Variants in LTV1 observed in about 807,000 individuals in gnomAD.
LTV1 encodes the protein LTV1 ribosome biogenesis factor.
A neutral mutation model predicts 59.9 loss-of-function variants in LTV1; 39 were observed. The observed-to-expected ratio is 0.65, with a 90% CI of 0.50 to 0.85. The LOEUF is 0.85. LTV1 is among the 40% of genes least tolerant of loss of function. LTV1 has a pLI of 0.00. For missense variants in LTV1, 493 were observed against 549.1 expected (o/e 0.90, Z 1.02); for synonymous variants, 171 against 189.5 (o/e 0.90, Z 0.80).
chr6:143,852,270 C>T (rs1776996479), intron 4 of LTV1, among the ~76,000 whole-genome samples: 1 of 152,232 alleles, frequency 6.6e-6, no homozygotes, highest in South Asian at 2.1e-4. Flanking sequence ...GCCATTCTAA[C>T]TGGCGTGAGA....
At chr6:143,847,093 A>G (rs969204203) in intron 3 of LTV1, among the ~76,000 whole-genome samples, 8 of 152,208 alleles carry the variant, frequency 5.3e-5, no homozygotes, top group African/African-American at 1.9e-4. Flanking sequence ...AAGAAAGGTA[A>G]TAACTGCAGC....
intron 3 of LTV1, among the ~76,000 whole-genome samples, chr6:143,847,972 G>T (rs1331995176): frequency 6.6e-6 from 1 of 152,174 alleles, no homozygotes; most frequent in Non-Finnish European, 1.5e-5. Context: ...GCTTGAGCAG[G>T]CCCTGATTTT....
intron 6 of LTV1, among the ~76,000 whole-genome samples, chr6:143,859,552 A>C (rs942048389): frequency 1.3e-5 from 2 of 152,244 alleles, no homozygotes; most frequent in Non-Finnish European, 2.9e-5. Flanking sequence ...ATCCAGGTGA[A>C]TCTAAAATAA....
chr6:143,843,466 C>G lies in LTV1; in HGVS notation c.-12C>G. ...CCGCCCCTGTTGGGGGTGAGCGCCG[C>G]GCGGCTGCAGCATGGTGAGCAAGCC... is the stretch of plus-strand genomic sequence containing the variant. On this transcript the variant is annotated 5_prime_UTR_variant, in exon 1 of 11. Coordinates refer to ENST00000367576, the MANE Select transcript of LTV1 (RefSeq NM_032860.5). 1 of 1,613,346 alleles carries G rather than the reference C, an allele frequency of 6.2e-7. No individual in the cohort carries two copies. Among genetic ancestry groups the G allele is most frequent in the Non-Finnish European group, 8.5e-7 (1 of 1,179,956 alleles).
rs1048494093 is a variant in LTV1, at chr6:143,862,547, T to C, written c.1064-297T>C. ...GTTGCAATGAGCCGAGATCATGCCA[T>C]TGCACTCCAACCTGGGCAACAAGAG... On this transcript the variant is annotated intron_variant, in intron 8 of 10. Transcript: ENST00000367576. This position sits in a 1 kb window ranked among gnomAD's most constrained non-coding sequence, Gnocchi z 4.2. 2.0e-5 allele frequency among the ~76,000 whole-genome samples: 3 copies of C among 152,022 alleles called. No individual in the cohort carries two copies. Among genetic ancestry groups the C allele is most frequent in the Non-Finnish European group, 2.9e-5 (2 of 68,008 alleles).
At chr6:143,860,898 A>ATTT (rs34010559) in intron 7 of LTV1, among the ~76,000 whole-genome samples, 1 of 144,154 alleles carries the variant, frequency 6.9e-6, no homozygotes, top group Admixed American at 6.9e-5. Context: ...CGTTTATTAA[A>ATTT]TTTTTTTTTT....
chr6:143,856,077 A>G (rs758765447), intron 4 of LTV1, among the ~76,000 whole-genome samples: 3 of 152,174 alleles, frequency 2.0e-5, no homozygotes, highest in African/African-American at 7.2e-5. Flanking sequence ...CCAATCAAAC[A>G]TAGAGATTTG....
At chr6:143,850,779 C>T (rs1404038230) in intron 4 of LTV1, among the ~76,000 whole-genome samples, 2 of 152,176 alleles carry the variant, frequency 1.3e-5, no homozygotes, top group South Asian at 2.1e-4. Context: ...ATTTATTGTA[C>T]AGATTTTTGA....
chr6:143,860,361 T>C, intron 6 of LTV1, 65 bp from the exon 7 acceptor site: 1 of 1,466,232 alleles, frequency 6.8e-7, no homozygotes, highest in Non-Finnish European at 9.2e-7. Flanking sequence ...AAAAAAATTT[T>C]TAAGTGTGTA....
At chr6:143,848,387 G>A (rs1340762133) in intron 3 of LTV1, among the ~76,000 whole-genome samples, 1 of 152,138 alleles carries the variant, frequency 6.6e-6, no homozygotes, top group Non-Finnish European at 1.5e-5. Context: ...ATACTCTACA[G>A]CAAAATAACA....
At chr6:143,844,703 G>A in intron 2 of LTV1, 86 bp downstream of exon 2, 1 of 1,396,350 alleles carries the variant, frequency 7.2e-7, no homozygotes, top group South Asian at 1.4e-5. Context: ...TAGAGTCTTA[G>A]CACGTTGCCC....
At chr6:143,847,165 T>C (rs1462038774) in intron 3 of LTV1, among the ~76,000 whole-genome samples, 4 of 152,256 alleles carry the variant, frequency 2.6e-5, no homozygotes, top group Non-Finnish European at 5.9e-5. Flanking sequence ...CACATCTCTG[T>C]CATAGAGAAC....
chr6:143,861,575 A>G (rs187456734), intron 7 of LTV1, among the ~76,000 whole-genome samples: 54 of 152,300 alleles, frequency 3.5e-4, no homozygotes, highest in Non-Finnish European at 6.9e-4. Flanking sequence ...GTAGGTATTT[A>G]CATCTCGTGG....
chr6:143,860,535 A>C lies in LTV1; in HGVS notation c.905A>C (p.Tyr302Ser), dbSNP rs772468686. 2 of 1,613,160 alleles carry C rather than the reference A, an allele frequency of 1.2e-6. No homozygotes were observed. Among genetic ancestry groups the C allele is most frequent in the East Asian group, 4.5e-5 (2 of 44,772 alleles). ...TTACAGGAAGTTTTGAATGACTACT[A>C]TAAAGAGAAGGCAGAGAAGTATAGT... ...NRLQEVLNDY[Y>S]KEKAENCVKL... The change falls in exon 7 of 11, where the codon TAT becomes TCT. Residue 302 changes from tyrosine (Y) to serine (S), a missense_variant. Tyr to Ser is a moderately radical substitution (Grantham distance 144, BLOSUM62 -2). Coordinates refer to ENST00000367576, the MANE Select transcript of LTV1 (RefSeq NM_032860.5).
At chr6:143,847,540 T>C (rs902103795) in intron 3 of LTV1, among the ~76,000 whole-genome samples, 3 of 152,218 alleles carry the variant, frequency 2.0e-5, no homozygotes, top group Non-Finnish European at 2.9e-5. Flanking sequence ...TTTGTATTTT[T>C]AGTAGAGCCG....
chr6:143,862,950 T>C lies in LTV1; in HGVS notation c.1116+54T>C. The C allele has an allele frequency of 1.4e-6, 2 of 1,481,416 alleles. No individual in the cohort carries two copies. The highest frequency in any genetic ancestry group is 1.9e-6 in the Non-Finnish European group (2 of 1,060,368). 91.8% of individuals were successfully genotyped at this position (1,481,416 alleles called of 1,614,324 possible). On this transcript the variant is annotated intron_variant, in intron 9 of 10. Transcript: ENST00000367576. This position sits in a 1 kb window ranked among gnomAD's most constrained non-coding sequence, Gnocchi z 4.2. The stretch of plus-strand genomic sequence containing the variant: ...AGGATGCAGTGCATAAAAAATAGAG[T>C]GCACATTTTCGCACAATAACTTTTT...
At chr6:143,859,099 G>A (rs1048648229) in intron 6 of LTV1, among the ~76,000 whole-genome samples, 1 of 152,168 alleles carries the variant, frequency 6.6e-6, no homozygotes, top group East Asian at 1.9e-4. Context: ...GTATTGGCCT[G>A]ATTGAGCACA....
intron 4 of LTV1, among the ~76,000 whole-genome samples, chr6:143,852,374 T>C (rs1033978046): frequency 6.6e-6 from 1 of 152,256 alleles, no homozygotes; most frequent in African/African-American, 2.4e-5. Flanking sequence ...TGTCTTCATT[T>C]GAGAAATATC....
chr6:143,854,024 T>C (rs575338962), intron 4 of LTV1, among the ~76,000 whole-genome samples: 48 of 152,336 alleles, frequency 3.2e-4, no homozygotes, highest in African/African-American at 1.1e-3. Flanking sequence ...TCAGAAGGAG[T>C]GGTATCAGCT....
Sources: gnomAD v4.1 joint callset for allele counts (sites outside exome capture counted in the v4.1 genomes callset) on GRCh38, gnomAD v4.1.1 for gene constraint, Gnocchi (gnomAD v3.1) non-coding constraint, MANE v1.5 for transcripts, NCBI Gene and HGNC (gene_info 2026-07-23, HGNC 2026-07-21) for gene names.